Variants in SLC39A10 observed in about 807,000 individuals in gnomAD.
SLC39A10 encodes the protein solute carrier family 39 member 10.
SLC39A10 carries 13 observed loss-of-function variants against 65.1 expected under a neutral mutation model. The ratio of observed to expected loss-of-function variants is 0.20; its 90% CI spans 0.13 to 0.32. SLC39A10 has a LOEUF of 0.32. SLC39A10 is among the 10% of genes least tolerant of loss of function. The pLI is 1.00. For synonymous variants in SLC39A10, 321 were observed against 342.2 expected, an observed-to-expected ratio of 0.94 and a Z score of 0.68; for missense variants, 831 against 1,018.4, an observed-to-expected ratio of 0.82 and a Z score of 2.50.
At position 195,713,467 on chromosome 2, in the gene SLC39A10, A is replaced by T; in HGVS notation, c.1610A>T (p.Glu537Val). 6.3e-7 allele frequency: 1 copy of T among 1,578,598 alleles called. No homozygotes were observed. Among genetic ancestry groups the T allele is most frequent in the Non-Finnish European group, 8.5e-7 (1 of 1,170,180 alleles). ...KQKWFMKQNT[E>V]ESTIGRKLSD... Reference sequence around the variant, plus strand: ...AAATGGTTTATGAAACAGAACACAGAAGAATCAACTATTGGAAGAAAGCTT... The same window carrying T: ...AAATGGTTTATGAAACAGAACACAGTAGAATCAACTATTGGAAGAAAGCTT... The change falls in exon 6 of 10, where the codon GAA becomes GTA. Residue 537 changes from glutamate to valine, a missense_variant. Physicochemically the swap from Glu to Val is moderately radical, Grantham distance 121. This residue lies in a region of SLC39A10 where 230 missense variants were observed against 242.9 expected (regional missense o/e 0.95). Transcript: ENST00000359634.
rs1304496324 is a variant in SLC39A10 at position 195,680,056 on chromosome 2, T to C, written c.14T>C (p.Met5Thr). The change falls in exon 2 of 10, where the codon ATG (methionine) becomes ACG (threonine). Residue 5 changes from methionine to threonine, a missense_variant. Met to Thr is a moderately conservative substitution (Grantham distance 81). This residue lies in a region of SLC39A10 where 446 missense variants were observed against 499.2 expected (regional missense o/e 0.89). Transcript: ENST00000359634. The stretch of plus-strand genomic sequence containing the variant: ...GGAAAAATAGAAATGAAGGTACATA[T>C]GCACACAAAATTTTGCCTCATTTGT... Reference protein sequence around the residue: MKVHMHTKFCLICLL... With the variant: MKVHTHTKFCLICLL... The C allele has an allele frequency of 1.2e-6, 2 of 1,602,384 alleles. No individual in the cohort carries two copies. Among genetic ancestry groups the C allele is most frequent in the Non-Finnish European group, 1.7e-6 (2 of 1,176,556 alleles).
intron 8 of SLC39A10, among the ~76,000 whole-genome samples, chr2:195,722,643 G>A (rs1310394790): frequency 1.3e-5 from 2 of 152,188 alleles, no homozygotes; most frequent in Non-Finnish European, 2.9e-5. Context: ...TCCTCTATAG[G>A]TTGAGTTAGA....
intron 6 of SLC39A10, 57 bp from the exon 7 acceptor site, chr2:195,716,580 T>G: frequency 1.3e-6 from 2 of 1,486,202 alleles, no homozygotes; most frequent in Non-Finnish European, 1.8e-6. Context: ...CTGTTTAAAT[T>G]AGCAAATATC....
intron 2 of SLC39A10, among the ~76,000 whole-genome samples, chr2:195,624,920 C>T (rs1371075712): frequency 7.6e-6 from 1 of 131,432 alleles, no homozygotes; most frequent in Non-Finnish European, 1.6e-5. Context: ...GTTTAGTAAA[C>T]TTCTAAAAGG....
chr2:195,633,827 T>C (rs897971050), intron 2 of SLC39A10, among the ~76,000 whole-genome samples: 1 of 150,896 alleles, frequency 6.6e-6, no homozygotes, highest in Non-Finnish European at 1.5e-5. Flanking sequence ...TAGCTGCTTC[T>C]GGGGTCTTTA....
intron 3 of SLC39A10, among the ~76,000 whole-genome samples, chr2:195,705,698 T>TGG (rs1370056331): frequency 1.3e-5 from 2 of 152,198 alleles, no homozygotes; most frequent in East Asian, 3.8e-4. Flanking sequence ...TTATTGCTCT[T>TGG]CAGTGAGATT....
intron 2 of SLC39A10, among the ~76,000 whole-genome samples, chr2:195,629,747 C>G (rs902378103): frequency 5.3e-5 from 8 of 152,138 alleles, no homozygotes; most frequent in African/African-American, 1.7e-4. Flanking sequence ...CAATAACTTT[C>G]TTTTAAGACA....
At chr2:195,658,158 C>T (rs1390264498) in intron 1 of SLC39A10, 2 of 152,458 alleles carry the variant, frequency 1.3e-5, no homozygotes, top group Non-Finnish European at 2.9e-5. Flanking sequence ...CTCCTTGCCT[C>T]TCCTGGGGTC....
At chr2:195,714,160 T>G (rs1268326780) in intron 6 of SLC39A10, among the ~76,000 whole-genome samples, 1 of 152,120 alleles carries the variant, frequency 6.6e-6, no homozygotes, top group African/African-American at 2.4e-5. Context: ...CTCCATCTCC[T>G]GACCTCGTGA....
chr2:195,699,892 CGTCAATT>C (rs948387162), intron 3 of SLC39A10, among the ~76,000 whole-genome samples: 4 of 152,168 alleles, frequency 2.6e-5, no homozygotes, highest in Non-Finnish European at 4.4e-5. Flanking sequence ...TATTATCTCC[CGTCAATT>C]GTGACAGTTT....
Position 195,737,649 on chromosome 2 carries a change from T to C in SLC39A10, c.*2608T>C, listed in dbSNP as rs1404624896. The C allele has an allele frequency of 2.2e-5, 6 of 278,876 alleles. No homozygotes were observed. The highest frequency in any genetic ancestry group is 1.4e-4 in the Admixed American group (3 of 21,102). 17.3% of individuals were successfully genotyped at this position (278,876 alleles called of 1,614,324 possible). A position where few individuals can be genotyped will look rare whatever the true frequency, so the allele number is the denominator to read the frequency against. On this transcript the variant is annotated 3_prime_UTR_variant, in exon 10 of 10. Coordinates refer to ENST00000359634, the MANE Select transcript of SLC39A10 (RefSeq NM_020342.3). ...ACAGTGGTGTGTCATTTTATGTATG[T>C]TCCTAATGCTTATGGAACTCCTCCA...
intron 7 of SLC39A10, 196 bp downstream of exon 7, chr2:195,717,201 G>C (rs777977281): frequency 2.3e-5 from 13 of 562,574 alleles, no homozygotes; most frequent in Non-Finnish European, 3.3e-5. Flanking sequence ...TTTAGAACAC[G>C]TAAACAAATG....
chr2:195,657,688 C>T (rs1689208384), intron 1 of SLC39A10: 1 of 960,766 alleles, frequency 1.0e-6, no homozygotes, highest in Non-Finnish European at 1.2e-6. Flanking sequence ...GGGCTGCGCG[C>T]CGGCCGCGGA....
chr2:195,659,841 T>C (rs1689313530), intron 1 of SLC39A10, among the ~76,000 whole-genome samples: 1 of 152,176 alleles, frequency 6.6e-6, no homozygotes, highest in Non-Finnish European at 1.5e-5. Context: ...GTTGAAGGTC[T>C]GCGTTCTTTT....
intron 2 of SLC39A10, among the ~76,000 whole-genome samples, chr2:195,682,959 G>A (rs936246387): frequency 2.6e-5 from 4 of 151,836 alleles, no homozygotes; most frequent in African/African-American, 9.7e-5. Context: ...CATATAGTGA[G>A]GTAGCAAGTC....
At chr2:195,687,857 A>G (rs1303148090) in intron 3 of SLC39A10, among the ~76,000 whole-genome samples, 2 of 152,228 alleles carry the variant, frequency 1.3e-5, no homozygotes, top group East Asian at 3.8e-4. Context: ...CCCTAGCTTA[A>G]TTACCAAGGG....
intron 8 of SLC39A10, among the ~76,000 whole-genome samples, chr2:195,724,032 T>G (rs1165493684): frequency 4.3e-5 from 5 of 116,456 alleles, no homozygotes; most frequent in Non-Finnish European, 1.1e-4. Flanking sequence ...AAAATAAGAT[T>G]TTCATAATGT....
intron 3 of SLC39A10, among the ~76,000 whole-genome samples, chr2:195,687,429 A>G (rs532068289): frequency 6.6e-6 from 1 of 152,334 alleles, no homozygotes; most frequent in East Asian, 1.9e-4. Context: ...CATAATCAAT[A>G]TATTGTAATG....
chr2:195,626,238 A>G (rs1249262454), intron 2 of SLC39A10, among the ~76,000 whole-genome samples: 3 of 152,066 alleles, frequency 2.0e-5, no homozygotes, highest in South Asian at 4.1e-4. Flanking sequence ...CCTCCCTTGC[A>G]CTCTTAGTCT....
Sources: gnomAD v4.1 joint callset for allele counts (sites outside exome capture counted in the v4.1 genomes callset) on GRCh38, gnomAD v4.1.1 for gene constraint, gnomAD v4.1.1 regional missense constraint, MANE v1.5 for transcripts, NCBI Gene and HGNC (gene_info 2026-07-23, HGNC 2026-07-21) for gene names.